SSC5D: variants seen among roughly 807,000 people sequenced by gnomAD.
SSC5D encodes the protein soluble scavenger receptor cysteine-rich domain-containing protein SSC5D.
In SSC5D, 106 loss-of-function variants were observed where a neutral mutation model predicts 104.6. That is an observed-to-expected ratio of 1.01 (90% CI 0.87 to 1.19). SSC5D has a LOEUF of 1.19. SSC5D is among the 50% of genes most tolerant of loss of function. The pLI is 0.00. For missense variants in SSC5D, 1,993 were observed against 2,153.8 expected, an observed-to-expected ratio of 0.93 and a Z score of 1.48; for synonymous variants, 860 against 883.5, an observed-to-expected ratio of 0.97 and a Z score of 0.47.
chr19:55,499,533 A>T (rs760073691), intron 9 of SSC5D, among the ~76,000 whole-genome samples: 60 of 152,116 alleles, frequency 3.9e-4, no homozygotes, highest in Non-Finnish European at 1.0e-4. Flanking sequence ...GAGGAGATGG[A>T]GAGGAGAGGT....
chr19:55,497,941 G>A lies in SSC5D; in HGVS notation c.1449G>A (p.Trp483Ter). 1 of 1,551,650 alleles carries A rather than the reference G, an allele frequency of 6.4e-7. No homozygotes were observed. The highest frequency in any genetic ancestry group is 8.7e-7 in the Non-Finnish European group (1 of 1,146,888). Reference sequence around the variant, plus strand: ...AGTGCTCAGGTCGACTGGAGGTGTGGCATGACCAGCGCTGGGGGACCGTGT... The same window carrying A: ...AGTGCTCAGGTCGACTGGAGGTGTGACATGACCAGCGCTGGGGGACCGTGT... ...PSKCSGRLEV[W>*]HDQRWGTVCD... The change falls in exon 9 of 14, where the codon TGG (tryptophan) becomes TGA (stop). Residue 483 changes from tryptophan (W) to a stop codon, truncating the protein, a stop_gained. Transcript: ENST00000389623. LOFTEE classifies it high-confidence loss of function.
chr19:55,501,699 C>T (rs922826687), intron 12 of SSC5D, among the ~76,000 whole-genome samples: 2 of 152,188 alleles, frequency 1.3e-5, no homozygotes, highest in African/African-American at 2.4e-5. Flanking sequence ...GCCACAGCTC[C>T]ATCCCCCTCT....
At chr19:55,489,220 G>A in intron 2 of SSC5D, 134 bp from the exon 3 acceptor site, 6 of 1,132,884 alleles carry the variant, frequency 5.3e-6, no homozygotes, top group Non-Finnish European at 7.1e-6. Flanking sequence ...AGGAGTCTGG[G>A]CCCAGGGGCC....
chr19:55,511,595 A>C (rs1167171690), intron 12 of SSC5D, among the ~76,000 whole-genome samples: 1 of 152,164 alleles, frequency 6.6e-6, no homozygotes, highest in Non-Finnish European at 1.5e-5. Context: ...ATGGGTAAGG[A>C]TTTCTCAGCA....
chr19:55,514,914 G>A (rs1056144488), intron 13 of SSC5D, among the ~76,000 whole-genome samples: 1 of 152,192 alleles, frequency 6.6e-6, no homozygotes, highest in Non-Finnish European at 1.5e-5. Flanking sequence ...TAACTTGGCC[G>A]TGGTCACCCC....
Position 55,518,020 on chromosome 19 carries a change from C to T in SSC5D, c.3744C>T (p.Thr1248=), listed in dbSNP as rs1446007481. The T allele has an allele frequency of 6.5e-7, 1 of 1,532,760 alleles. No individual in the cohort carries two copies. The highest frequency in any genetic ancestry group is 1.6e-5 in the African/African-American group (1 of 63,640). 94.9% of individuals were successfully genotyped at this position (1,532,760 alleles called of 1,614,324 possible). Residue 1248 remains threonine, a synonymous_variant, in exon 14 of 14, where the codon ACC becomes ACT. Coordinates refer to ENST00000389623, the MANE Select transcript of SSC5D (RefSeq NM_001144950.2). Reference sequence around the variant, plus strand: ...ACCCCACCACGACCCCTCATCCCACCACCATCACTCACTCCACCATGATTC... The same window carrying T: ...ACCCCACCACGACCCCTCATCCCACTACCATCACTCACTCCACCATGATTC... ...TPHPTTTPHP[T]TITHSTMIPD...
In SSC5D at chr19:55,494,734, AC is replaced by A. The variant is rs1987263500; in HGVS notation, c.1340del (p.Pro447LeufsTer86). On this transcript the variant is annotated frameshift_variant, in exon 8 of 14. Transcript: ENST00000389623. LOFTEE classifies it high-confidence loss of function. ...AGGCTCCAGGGACGGCAGGCGTTTC[AC>A]CTCCTCCAGCCTCCCCTACTGTCCT... ...SQAPGTAGVS[P>X]PPASPTVLWE... is the part of the protein sequence containing the mutation. The A allele has an allele frequency of 6.5e-7, 1 of 1,549,190 alleles. No individual in the cohort carries two copies. Among genetic ancestry groups the A allele is most frequent in the African/African-American group, 1.4e-5 (1 of 72,850 alleles).
chr19:55,500,776 C>G lies in SSC5D; in HGVS notation c.2589C>G (p.His863Gln). 6.4e-7 allele frequency: 1 copy of G among 1,550,590 alleles called. No individual in the cohort carries two copies. Among genetic ancestry groups the G allele is most frequent in the Non-Finnish European group, 8.7e-7 (1 of 1,146,304 alleles). ...SGAWGKHNCDHEEDVGLTCTG... is the reference protein window; with the variant it reads ...SGAWGKHNCDQEEDVGLTCTG... ...CTTGGGGGAAGCACAACTGTGACCACGAGGAAGACGTGGGGCTCACCTGCA... is the reference window on the plus strand; with the variant it reads ...CTTGGGGGAAGCACAACTGTGACCAGGAGGAAGACGTGGGGCTCACCTGCA... Residue 863 changes from histidine to glutamine, a missense_variant, in exon 11 of 14, where the codon CAC becomes CAG. His to Gln is a conservative substitution (Grantham distance 24, BLOSUM62 0). Around this residue, in one of 6 missense-constraint regions of SSC5D, gnomAD observed 423 missense variants for 409.2 expected, o/e 1.03. Transcript: ENST00000389623. The surrounding 1 kb of genome is among the most constrained non-coding windows in gnomAD (Gnocchi z 4.6).
Position 55,500,079 on chromosome 19 carries a change from C to A in SSC5D, c.1969C>A (p.Pro657Thr), listed in dbSNP as rs1311291196. Reference protein sequence around the residue: ...PTTKHSRAQSPPDLTSQTTAA... With the variant: ...PTTKHSRAQSTPDLTSQTTAA... ...CACGAAACACTCCAGGGCCCAAAGCCCCCCAGACCTAACCTCACAGACCAC... is the reference window on the plus strand; with the variant it reads ...CACGAAACACTCCAGGGCCCAAAGCACCCCAGACCTAACCTCACAGACCAC... Residue 657 changes from proline (P) to threonine (T), a missense_variant, in exon 10 of 14, where the codon CCC becomes ACC. Coordinates refer to ENST00000389623, the MANE Select transcript of SSC5D (RefSeq NM_001144950.2). This position sits in a 1 kb window ranked among gnomAD's most constrained non-coding sequence, Gnocchi z 4.6. 9 of 1,551,576 alleles carry A rather than the reference C, an allele frequency of 5.8e-6. No individual in the cohort carries two copies. Among genetic ancestry groups the A allele is most frequent in the Non-Finnish European group, 7.8e-6 (9 of 1,146,828 alleles).
At chr19:55,494,304 C>T (rs1011983354) in intron 7 of SSC5D, among the ~76,000 whole-genome samples, 1 of 152,184 alleles carries the variant, frequency 6.6e-6, no homozygotes, top group East Asian at 1.9e-4. Context: ...GCAGCCCTGG[C>T]TGGCCCTGCC....
chr19:55,513,188 G>A lies in SSC5D; in HGVS notation c.2947+16G>A. 1 of 1,477,012 alleles carries A rather than the reference G, an allele frequency of 6.8e-7. No homozygotes were observed. Among genetic ancestry groups the A allele is most frequent in the Non-Finnish European group, 9.0e-7 (1 of 1,110,432 alleles). The allele number at this position is 1,477,012 out of a possible 1,614,324, so 91.5% of individuals were successfully genotyped here. On this transcript the variant is annotated intron_variant, in intron 13 of 13. Transcript: ENST00000389623. Reference sequence around the variant, plus strand: ...GGAGACACAGGTGAGACACGTGGCTGGGGTGAGGAGACTGGGACGGTATTT... The same window carrying A: ...GGAGACACAGGTGAGACACGTGGCTAGGGTGAGGAGACTGGGACGGTATTT...
chr19:55,507,024 C>T (rs968833716), intron 12 of SSC5D, among the ~76,000 whole-genome samples: 1 of 151,640 alleles, frequency 6.6e-6, no homozygotes, highest in African/African-American at 2.4e-5. Flanking sequence ...AAAAAATTAG[C>T]CTGGTGTGGC....
At chr19:55,504,050 A>G in intron 12 of SSC5D, 1 of 1,469,738 alleles carries the variant, frequency 6.8e-7, no homozygotes, top group Non-Finnish European at 9.2e-7. Flanking sequence ...AGCAGGCCCT[A>G]GAGGCGCCGT....
At chr19:55,494,845 C>T in intron 8 of SSC5D, 62 bp downstream of exon 8, 1 of 1,460,868 alleles carries the variant, frequency 6.8e-7, no homozygotes, top group Non-Finnish European at 9.1e-7. Context: ...TCCCTCAGCT[C>T]TGAGACTGTC....
intron 7 of SSC5D, 38 bp from the exon 8 acceptor site, chr19:55,494,572 T>G (rs1362836961): frequency 6.8e-7 from 1 of 1,467,110 alleles, no homozygotes; most frequent in South Asian, 1.4e-5. Context: ...GGATGGAGGG[T>G]GTGTGTGGGT....
chr19:55,516,167 C>CAA (rs35777415), intron 13 of SSC5D, among the ~76,000 whole-genome samples: 13,547 of 143,284 alleles, frequency 0.095, 724 homozygotes, highest in East Asian at 0.2. Context: ...AAATTAATGC[C>CAA]AAAAAAAAAA....
rs1166591530 is a variant in SSC5D at position 55,498,011 on chromosome 19, G to T, written c.1519G>T (p.Glu507Ter). Residue 507 changes from glutamate to a stop codon, truncating the protein, a stop_gained, in exon 9 of 14, where the codon GAG (glutamate) becomes TAG (stop). Coordinates refer to ENST00000389623, the MANE Select transcript of SSC5D (RefSeq NM_001144950.2). LOFTEE classifies it high-confidence loss of function. ...DMRDSAVVCR[E>*]LGCGGPQQPD... Reference sequence around the variant, plus strand: ...GCGGGATTCAGCTGTGGTCTGCCGGGAGCTGGGCTGTGGTGGACCTCAGCA... The same window carrying T: ...GCGGGATTCAGCTGTGGTCTGCCGGTAGCTGGGCTGTGGTGGACCTCAGCA... 9 of 1,551,658 alleles carry T rather than the reference G, an allele frequency of 5.8e-6. No individual in the cohort carries two copies. Among genetic ancestry groups the T allele is most frequent in the African/African-American group, 1.4e-5 (1 of 73,054 alleles).
chr19:55,500,225 C>G lies in SSC5D; in HGVS notation c.2115C>G (p.Pro705=). ...HTTATLTPQA[P]RERTTKTMAM... is the part of the protein sequence containing the mutation. ...CTGCCACGCTGACCCCTCAGGCCCC[C>G]CGAGAACGGACCACTAAGACCATGG... The change falls in exon 10 of 14, where the codon CCC becomes CCG. Residue 705 remains proline, a synonymous_variant. Transcript: ENST00000389623. The surrounding 1 kb of genome is among the most constrained non-coding windows in gnomAD (Gnocchi z 4.6). 6.4e-7 allele frequency: 1 copy of G among 1,551,594 alleles called. No homozygotes were observed. Among genetic ancestry groups the G allele is most frequent in the South Asian group, 1.2e-5 (1 of 84,030 alleles).
chr19:55,514,525 T>C (rs1599929997), intron 13 of SSC5D, among the ~76,000 whole-genome samples: 1 of 145,592 alleles, frequency 6.9e-6, no homozygotes, highest in Non-Finnish European at 1.5e-5. Flanking sequence ...TGCTTGAACC[T>C]GGGAGGCGGA....
Sources: gnomAD v4.1 joint callset for allele counts (sites outside exome capture counted in the v4.1 genomes callset) on GRCh38, gnomAD v4.1.1 for gene constraint, gnomAD v4.1.1 regional missense constraint, Gnocchi (gnomAD v3.1) non-coding constraint, MANE v1.5 for transcripts, NCBI Gene and HGNC (gene_info 2026-07-23, HGNC 2026-07-21) for gene names.